The following EPM2A variants were observed in gnomAD, a reference collection of about 807,000 sequenced individuals.
EPM2A encodes EPM2A glucan phosphatase, laforin, also known as laforin.
Under a neutral mutation model 26.5 loss-of-function variants are expected in EPM2A, and 21 were observed. The observed-to-expected ratio is 0.79, with a 90% CI of 0.56 to 1.14. EPM2A has a LOEUF of 1.14. Ranked by LOEUF, EPM2A falls within the 50% of genes most tolerant of loss-of-function variation. The pLI, the probability that EPM2A is intolerant of heterozygous loss-of-function variation, is 0.00. For missense variants in EPM2A, 458 were observed against 440.8 expected, an observed-to-expected ratio of 1.04 and a Z score of -0.35; for synonymous variants, 217 against 177.6, an observed-to-expected ratio of 1.22 and a Z score of -1.76.
At chr6:145,475,018 A>G (rs1191749482) in intron 4 of EPM2A, among the ~76,000 whole-genome samples, 1 of 152,190 alleles carries the variant, frequency 6.6e-6, no homozygotes, top group Non-Finnish European at 1.5e-5. Context: ...TACACAGTTC[A>G]TGGGAGTGTA....
chr6:145,641,328 GA>G (rs1777071526), intron 2 of EPM2A: 1 of 152,210 alleles, frequency 6.6e-6, no homozygotes, highest in African/African-American at 2.4e-5. Context: ...GTCCTTATAA[GA>G]GGGGGGTTTC....
intron 2 of EPM2A, among the ~76,000 whole-genome samples, chr6:145,596,171 T>C (rs1781341445): frequency 1.3e-5 from 2 of 152,242 alleles, no homozygotes; most frequent in Non-Finnish European, 2.9e-5. Flanking sequence ...TTTATTGTGA[T>C]TGACAACTAA....
intron 2 of EPM2A, among the ~76,000 whole-genome samples, chr6:145,572,948 A>G (rs957525982): frequency 1.9e-4 from 29 of 152,156 alleles, no homozygotes; most frequent in African/African-American, 6.8e-4. Context: ...CCTCTTTCTG[A>G]GTTGTAGGAG....
intron 4 of EPM2A, among the ~76,000 whole-genome samples, chr6:145,488,894 C>T (rs1779719454): frequency 1.3e-5 from 2 of 151,938 alleles, no homozygotes; most frequent in African/African-American, 4.8e-5. Context: ...ATTTCTTAAC[C>T]GAACTTAAGC....
intron 2 of EPM2A, among the ~76,000 whole-genome samples, chr6:145,518,986 A>G (rs1780168855): frequency 6.6e-6 from 1 of 152,202 alleles, no homozygotes; most frequent in Admixed American, 6.5e-5. Flanking sequence ...CATAGCAAAA[A>G]TGGATTTGAG....
Position 145,735,247 on chromosome 6 carries a change from G to A in EPM2A, c.252C>T (p.Phe84=), listed in dbSNP as rs1362231306. 8 of 1,538,190 alleles carry A rather than the reference G, an allele frequency of 5.2e-6. No homozygotes were observed. Among genetic ancestry groups the A allele is most frequent in the Non-Finnish European group, 7.0e-6 (8 of 1,141,842 alleles). ...DGAEPGRVDT[F]WYKFLKREPG... is the part of the protein sequence containing the mutation. ...GCTCCCGCTTCAGGAACTTGTACCA[G>A]AACGTGTCCACGCGGCCCGGCTCCG... The change falls in exon 1 of 4, where the codon TTC becomes TTT. Residue 84 remains phenylalanine (F), a synonymous_variant. Transcript: ENST00000367519.
intron 4 of EPM2A, among the ~76,000 whole-genome samples, chr6:145,390,906 G>T (rs1007453974): frequency 6.6e-6 from 1 of 152,014 alleles, no homozygotes; most frequent in African/African-American, 2.4e-5. Context: ...AAAGAGATTC[G>T]TTCAACCTGG....
intron 4 of EPM2A, among the ~76,000 whole-genome samples, chr6:145,446,534 G>A (rs1779130890): frequency 1.3e-5 from 2 of 152,164 alleles, no homozygotes; most frequent in South Asian, 2.1e-4. Context: ...AGTATTTAAT[G>A]TTGGTGGATT....
At chr6:145,398,089 T>G (rs1219440866) in intron 4 of EPM2A, among the ~76,000 whole-genome samples, 1 of 151,992 alleles carries the variant, frequency 6.6e-6, no homozygotes, top group Non-Finnish European at 1.5e-5. Context: ...TTGTTATATC[T>G]GTAGAAATTT....
At chr6:145,668,600 T>G (rs1449946825) in intron 2 of EPM2A, among the ~76,000 whole-genome samples, 8 of 152,094 alleles carry the variant, frequency 5.3e-5, no homozygotes, top group Non-Finnish European at 1.2e-4. Flanking sequence ...CTTGTGAAGA[T>G]ACAATAATTA....
Position 145,514,266 on chromosome 6 carries a change from C to G in EPM2A, c.341-11691G>C, listed in dbSNP as rs575459800. Among the ~76,000 whole-genome samples, 15 of 152,240 alleles carry G rather than the reference C, an allele frequency of 9.9e-5. No individual in the cohort carries two copies. The South Asian group carries it at 1.9e-3, about 19-fold the overall frequency. Reference sequence around the variant, plus strand: ...ATTTCTTGAGAACTGCCCCACGACTCCATATTGCCTCTGGGTTCTATAACT... The same window carrying G: ...ATTTCTTGAGAACTGCCCCACGACTGCATATTGCCTCTGGGTTCTATAACT... On this transcript the variant is annotated intron_variant, in intron 2 of 3. Coordinates refer to the EPM2A transcript ENST00000450221.
chr6:145,669,285 G>T (rs1294054632), intron 2 of EPM2A, among the ~76,000 whole-genome samples: 1 of 152,090 alleles, frequency 6.6e-6, no homozygotes, highest in Non-Finnish European at 1.5e-5. Flanking sequence ...ATAGAAATAG[G>T]TAACAGCAGA....
At chr6:145,574,031 G>A (rs1353793414) in intron 2 of EPM2A, among the ~76,000 whole-genome samples, 1 of 152,110 alleles carries the variant, frequency 6.6e-6, no homozygotes, top group African/African-American at 2.4e-5. Flanking sequence ...CCTTGGGGAA[G>A]TACGGGAGAA....
At chr6:145,529,512 T>G (rs1780324449) in intron 2 of EPM2A, among the ~76,000 whole-genome samples, 1 of 152,208 alleles carries the variant, frequency 6.6e-6, no homozygotes, top group African/African-American at 2.4e-5. Context: ...AATTTATATT[T>G]TTCAGAAATA....
In EPM2A at chr6:145,635,332, G is replaced by T. The variant is rs748048885; in HGVS notation, c.631C>A (p.Pro211Thr). 9 of 1,613,950 alleles carry T rather than the reference G, an allele frequency of 5.6e-6. No individual in the cohort carries two copies. The highest frequency in any genetic ancestry group is 7.6e-6 in the Non-Finnish European group (9 of 1,179,968). Residue 211 changes from proline to threonine, a missense_variant, in exon 3 of 4, where the codon CCC becomes ACC. Physicochemically the swap from Pro to Thr is conservative, Grantham distance 38. Transcript: ENST00000367519. ...NSSGCNRYPE[P>T]MTPDTMIKLY... ...TTAATCATAGTGTCTGGAGTCATGGGCTCTGGGTAGCGGTTACAGCCTGAG... is the reference window on the plus strand; with the variant it reads ...TTAATCATAGTGTCTGGAGTCATGGTCTCTGGGTAGCGGTTACAGCCTGAG...
intron 1 of EPM2A, among the ~76,000 whole-genome samples, chr6:145,716,686 G>A (rs1004752): frequency 0.53 from 80,834 of 151,718 alleles, 22,180 homozygotes; most frequent in East Asian, 0.67. Context: ...ATGCATTCAT[G>A]CAGCTCTCCC....
At chr6:145,469,831 A>G (rs772110094) in intron 4 of EPM2A, among the ~76,000 whole-genome samples, 33 of 152,312 alleles carry the variant, frequency 2.2e-4, no homozygotes, top group Admixed American at 6.5e-5. Context: ...ATGCAGTACT[A>G]TTCAGCCATA....
intron 4 of EPM2A, among the ~76,000 whole-genome samples, chr6:145,444,290 T>C (rs1779104075): frequency 6.6e-6 from 1 of 152,234 alleles, no homozygotes; most frequent in African/African-American, 2.4e-5. Context: ...ACCTAGTTTA[T>C]TGAGGATTTT....
At chr6:145,411,764 A>G (rs140978698) in intron 4 of EPM2A, among the ~76,000 whole-genome samples, 11 of 152,370 alleles carry the variant, frequency 7.2e-5, no homozygotes, top group Non-Finnish European at 1.3e-4. Context: ...AGAGCGTAAG[A>G]ACATCGCCTA....
Sources: allele counts gnomAD v4.1 joint callset (sites outside exome capture counted in the v4.1 genomes callset), GRCh38; gene constraint gnomAD v4.1.1; transcripts MANE v1.5; gene names NCBI Gene and HGNC (gene_info 2026-07-23, HGNC 2026-07-21).